GOLGA4: variants seen among roughly 807,000 people sequenced by gnomAD.
The protein encoded by GOLGA4 is golgin subfamily A member 4.
A neutral mutation model predicts 265.9 loss-of-function variants in GOLGA4; 169 were observed. The ratio of observed to expected loss-of-function variants is 0.64; its 90% CI spans 0.56 to 0.72. The LOEUF is 0.72. Among genes scored for constraint, GOLGA4 ranks in the 30% least tolerant of loss-of-function variants. GOLGA4 has a pLI of 0.00. For synonymous variants in GOLGA4, 923 were observed against 855.8 expected (o/e 1.08, Z -1.37); for missense variants, 2,482 against 2,483.4 (o/e 1.00, Z 0.01).
intron 20 of GOLGA4, among the ~76,000 whole-genome samples, chr3:37,345,489 C>T (rs116673272): frequency 5.9e-5 from 9 of 152,188 alleles, no homozygotes; most frequent in South Asian, 2.1e-4. Context: ...GATACCTAGA[C>T]GAAGTTATTT....
At chr3:37,299,425 C>A in intron 9 of GOLGA4, 54 bp downstream of exon 9, 1 of 1,038,926 alleles carries the variant, frequency 9.6e-7, no homozygotes, top group Non-Finnish European at 1.5e-6. Context: ...CCAACATTTA[C>A]TTTTGGAAAC....
At position 37,327,788 on chromosome 3, in the gene GOLGA4, A is replaced by C; in HGVS notation, c.5902A>C (p.Lys1968Gln). ...KEHQQELEIL[K>Q]KEYDQEREEK... ...GCATCAGCAAGAATTGGAAATACTA[A>C]AGAAAGAATATGATCAAGAAAGGGA... The change falls in exon 14 of 24, where the codon AAG (lysine) becomes CAG (glutamine). Residue 1968 changes from lysine (K) to glutamine (Q), a missense_variant. Physicochemically the swap from Lys to Gln is moderately conservative, Grantham distance 53. Transcript: ENST00000361924. 6.2e-7 allele frequency: 1 copy of C among 1,610,868 alleles called. No homozygotes were observed. The highest frequency in any genetic ancestry group is 8.5e-7 in the Non-Finnish European group (1 of 1,177,762).
chr3:37,276,624 G>C (rs1559372301), intron 2 of GOLGA4: 12 of 1,540,216 alleles, frequency 7.8e-6, no homozygotes, highest in Middle Eastern at 2.3e-4. Flanking sequence ...AAAATATCTG[G>C]ACCATTAAGA....
At chr3:37,337,776 C>G in intron 19 of GOLGA4, 42 bp downstream of exon 19, 2 of 1,241,434 alleles carry the variant, frequency 1.6e-6, no homozygotes, top group Non-Finnish European at 1.2e-6. Flanking sequence ...ACTAAAGTTT[C>G]GTTAATATGT....
intron 19 of GOLGA4, among the ~76,000 whole-genome samples, chr3:37,339,158 G>A (rs745841936): frequency 2.4e-4 from 36 of 152,088 alleles, no homozygotes; most frequent in African/African-American, 7.7e-4. Context: ...CACCGTGCCC[G>A]GCCTGTGTCG....
intron 10 of GOLGA4, among the ~76,000 whole-genome samples, chr3:37,309,900 ACTG>A: frequency 6.6e-6 from 1 of 152,376 alleles, no homozygotes; most frequent in South Asian, 2.1e-4. Flanking sequence ...CATATTGAGA[ACTG>A]CTGCTGTAGA....
chr3:37,255,924 A>G (rs1560276322), intron 2 of GOLGA4, among the ~76,000 whole-genome samples: 1 of 152,046 alleles, frequency 6.6e-6, no homozygotes, highest in African/African-American at 2.4e-5. Flanking sequence ...GGCCAAACAA[A>G]CAAACAAACA....
At position 37,366,207 on chromosome 3, in the gene GOLGA4, A is replaced by G. The variant is rs1696735733; in HGVS notation, c.*161A>G. 3.5e-6 allele frequency: 3 copies of G among 849,770 alleles called. No homozygotes were observed. The highest frequency in any genetic ancestry group is 3.4e-6 in the Non-Finnish European group (2 of 579,900). 52.6% of individuals were successfully genotyped at this position (849,770 alleles called of 1,614,324 possible). ...GGCCCCTCATGTAGCCAAAAGACCAAGAAAAATCTGGCCCACAGATAAGTT... is the reference window on the plus strand; with the variant it reads ...GGCCCCTCATGTAGCCAAAAGACCAGGAAAAATCTGGCCCACAGATAAGTT... On this transcript the variant is annotated 3_prime_UTR_variant, in exon 24 of 24. Coordinates refer to ENST00000361924, the MANE Select transcript of GOLGA4 (RefSeq NM_002078.5).
At chr3:37,246,545 A>G (rs1206709985) in intron 1 of GOLGA4, among the ~76,000 whole-genome samples, 1 of 152,218 alleles carries the variant, frequency 6.6e-6, no homozygotes, top group East Asian at 1.9e-4. Context: ...ACTCCACTTA[A>G]TTGAGGTACC....
chr3:37,258,427 A>G (rs1378749511), intron 2 of GOLGA4, among the ~76,000 whole-genome samples: 1 of 151,972 alleles, frequency 6.6e-6, no homozygotes, highest in Non-Finnish European at 1.5e-5. Context: ...TCCCAGGTTC[A>G]AGTGATTCTC....
intron 1 of GOLGA4, 33 bp downstream of exon 1, chr3:37,243,655 C>G (rs776090420): frequency 1.3e-6 from 2 of 1,579,332 alleles, no homozygotes; most frequent in Non-Finnish European, 8.7e-7. Flanking sequence ...CCCCTGGTTC[C>G]GAATACCTCT....
chr3:37,334,163 A>G (rs1410351164), intron 16 of GOLGA4, among the ~76,000 whole-genome samples: 2 of 152,232 alleles, frequency 1.3e-5, no homozygotes, highest in Non-Finnish European at 2.9e-5. Context: ...AATGACCAAG[A>G]CAAATGAGGG....
rs557552414 is a variant in GOLGA4, at chr3:37,243,445, C to A, written c.-106C>A. The A allele has an allele frequency of 3.2e-6, 3 of 942,398 alleles. No individual in the cohort carries two copies. Among genetic ancestry groups the A allele is most frequent in the Admixed American group, 1.9e-5 (1 of 53,572 alleles). 58.4% of individuals were successfully genotyped at this position (942,398 alleles called of 1,614,324 possible). ...GGAGGAGACGGCGAGGCCCGGCCCCCGCTGTCCCTGGTGTAAAGAAGTCGC... is the reference window on the plus strand; with the variant it reads ...GGAGGAGACGGCGAGGCCCGGCCCCAGCTGTCCCTGGTGTAAAGAAGTCGC... On this transcript the variant is annotated 5_prime_UTR_variant, in exon 1 of 24. Transcript: ENST00000361924.
At chr3:37,264,888 T>G (rs1419415101) in intron 2 of GOLGA4, among the ~76,000 whole-genome samples, 1 of 151,948 alleles carries the variant, frequency 6.6e-6, no homozygotes, top group Admixed American at 6.6e-5. Context: ...GTAGAGTGGG[T>G]TTTGTTATGT....
At chr3:37,316,153 T>C (rs1187518792) in intron 11 of GOLGA4, among the ~76,000 whole-genome samples, 4 of 152,078 alleles carry the variant, frequency 2.6e-5, no homozygotes, top group South Asian at 2.1e-4. Context: ...GTCATCATCA[T>C]GGCCCCTCCC....
chr3:37,359,257 T>G (rs946580412), intron 22 of GOLGA4, among the ~76,000 whole-genome samples: 1 of 152,174 alleles, frequency 6.6e-6, no homozygotes, highest in African/African-American at 2.4e-5. Flanking sequence ...TTGGCTCATC[T>G]AATTGTTAGT....
rs144413352 is a variant in GOLGA4 at position 37,332,466 on chromosome 3, C to T, written c.6193-2587C>T. Among the ~76,000 whole-genome samples, 1,193 of 152,072 alleles carry T rather than the reference C, an allele frequency of 7.8e-3. 9 individuals carry two copies. Among genetic ancestry groups the T allele is most frequent in the Middle Eastern group, 0.037 (11 of 294 alleles). ...ATGCTGCACTGAGCTATGAACGTGCCTCTGCATTCCAGCCTGGGTGGCAGA... is the reference window on the plus strand; with the variant it reads ...ATGCTGCACTGAGCTATGAACGTGCTTCTGCATTCCAGCCTGGGTGGCAGA... On this transcript the variant is annotated intron_variant, in intron 16 of 23. Coordinates refer to ENST00000361924, the MANE Select transcript of GOLGA4 (RefSeq NM_002078.5).
intron 6 of GOLGA4, among the ~76,000 whole-genome samples, chr3:37,295,537 A>G (rs2096875954): frequency 6.6e-6 from 1 of 152,246 alleles, no homozygotes; most frequent in South Asian, 2.1e-4. Flanking sequence ...AATGTTAAGG[A>G]TACTTTTTTA....
rs1242867128 is a variant in GOLGA4 at position 37,299,025 on chromosome 3, A to G, written c.1002+5A>G. The G allele has an allele frequency of 6.3e-7, 1 of 1,581,266 alleles. No homozygotes were observed. Among genetic ancestry groups the G allele is most frequent in the African/African-American group, 1.4e-5 (1 of 73,002 alleles). On this transcript the variant is annotated splice_donor_5th_base_variant and intron_variant, in intron 8 of 23. Coordinates refer to ENST00000361924, the MANE Select transcript of GOLGA4 (RefSeq NM_002078.5). The stretch of plus-strand genomic sequence containing the variant: ...CAAGAACTAGAAAAGATAAAGGTAA[A>G]AGAGCAGATGAGTTTTGTTCTAATT...
Sources: allele counts gnomAD v4.1 joint callset (sites outside exome capture counted in the v4.1 genomes callset), GRCh38; gene constraint gnomAD v4.1.1; transcripts MANE v1.5; gene names NCBI Gene and HGNC (gene_info 2026-07-23, HGNC 2026-07-21).